Variants in TRIP6 observed in about 807,000 individuals in gnomAD.
TRIP6 encodes thyroid hormone receptor interactor 6.
In TRIP6, 33 loss-of-function variants were observed where a neutral mutation model predicts 51.9. The ratio of observed to expected loss-of-function variants is 0.64; its 90% CI spans 0.48 to 0.85. TRIP6 has a LOEUF of 0.85. TRIP6 is among the 40% of genes least tolerant of loss of function. TRIP6 has a pLI of 0.00. For missense variants in TRIP6, 661 were observed against 652.1 expected, an observed-to-expected ratio of 1.01 and a Z score of -0.15; for synonymous variants, 255 against 275.8, an observed-to-expected ratio of 0.92 and a Z score of 0.75.
intron 8 of TRIP6, 110 bp from the exon 9 acceptor site, chr7:100,873,062 G>T: frequency 6.9e-7 from 1 of 1,441,236 alleles, no homozygotes; most frequent in Non-Finnish European, 9.3e-7. Flanking sequence ...TATTGGCCAG[G>T]CTGGTCTTGA....
chr7:100,870,408 GC>G lies in TRIP6; in HGVS notation c.775del (p.Leu259Ter). On this transcript the variant is annotated frameshift_variant, in exon 5 of 9. Transcript: ENST00000200457. LOFTEE classifies it high-confidence loss of function. ...SQPPEDELDR[L>X]TKKLVHDMNH... ...AGCCTCCAGAGGATGAGCTGGATAG[GC>G]TGACGAAGAAGCTGGTTCACGACAT... 6.2e-7 allele frequency: 1 copy of G among 1,612,806 alleles called. No individual in the cohort carries two copies. Among genetic ancestry groups the G allele is most frequent in the Non-Finnish European group, 8.5e-7 (1 of 1,180,028 alleles).
rs1460450643 is a variant in TRIP6, at chr7:100,867,996, C to G, written c.237+8C>G. On this transcript the variant is annotated splice_region_variant and intron_variant, in intron 2 of 8. Coordinates refer to ENST00000200457, the MANE Select transcript of TRIP6 (RefSeq NM_003302.3). This position sits in a 1 kb window ranked among gnomAD's most constrained non-coding sequence, Gnocchi z 5.4. ...GTACTCCAGCACACGCAGGTGAGAC[C>G]CGGGATCGTGGGGTGGGACATGTGG... The G allele has an allele frequency of 2.0e-6, 3 of 1,515,038 alleles. No homozygotes were observed. Among genetic ancestry groups the G allele is most frequent in the Non-Finnish European group, 2.6e-6 (3 of 1,132,946 alleles). The allele number at this position is 1,515,038 out of a possible 1,614,324, so 93.8% of individuals were successfully genotyped here. A position where few individuals can be genotyped will look rare whatever the true frequency, so the allele number is the denominator to read the frequency against.
At chr7:100,868,327 C>A in intron 3 of TRIP6, 94 bp downstream of exon 3, 1 of 1,570,496 alleles carries the variant, frequency 6.4e-7, no homozygotes, top group Non-Finnish European at 8.6e-7. Flanking sequence ...AATGTGCACC[C>A]CAGCATGGAG....
In TRIP6 at chr7:100,868,934, G is replaced by A; in HGVS notation, c.735+68G>A. 21 of 1,430,594 alleles carry A rather than the reference G, an allele frequency of 1.5e-5. 1 individual carries two copies. The South Asian group carries it at 3.5e-4, about 24-fold the overall frequency. The allele number at this position is 1,430,594 out of a possible 1,614,324, so 88.6% of individuals were successfully genotyped here. A position where few individuals can be genotyped will look rare whatever the true frequency, so the allele number is the denominator to read the frequency against. ...GGACACCGACTGGGTGGGGTGGCTGGTGGTGTTTTAGGGGGCTTTTTTGTT... is the reference window on the plus strand; with the variant it reads ...GGACACCGACTGGGTGGGGTGGCTGATGGTGTTTTAGGGGGCTTTTTTGTT... On this transcript the variant is annotated intron_variant, in intron 4 of 8. Coordinates refer to ENST00000200457, the MANE Select transcript of TRIP6 (RefSeq NM_003302.3).
In TRIP6 at chr7:100,867,857, C is replaced by T; in HGVS notation, c.110-4C>T. ...CACCTTTGATTTCTCTTCCCTCAAC[C>T]CAGCACTCCAGCCCCACCCCAGGGT... On this transcript the variant is annotated splice_polypyrimidine_tract_variant and splice_region_variant and intron_variant, in intron 1 of 8. Coordinates refer to ENST00000200457, the MANE Select transcript of TRIP6 (RefSeq NM_003302.3). This position sits in a 1 kb window ranked among gnomAD's most constrained non-coding sequence, Gnocchi z 5.4. 1.3e-6 allele frequency: 2 copies of T among 1,542,710 alleles called. No individual in the cohort carries two copies. Among genetic ancestry groups the T allele is most frequent in the South Asian group, 1.3e-5 (1 of 77,474 alleles).
Position 100,867,684 on chromosome 7 carries a change from C to T in TRIP6, c.109+78C>T. ...TGTCCTACCGCTCCAGCCTCCCGCC[C>T]TGGCTGCTTCCTCCTGCCCCTTCCC... On this transcript the variant is annotated intron_variant, in intron 1 of 8. Transcript: ENST00000200457. The surrounding 1 kb of genome is among the most constrained non-coding windows in gnomAD (Gnocchi z 5.4). 1 of 1,565,246 alleles carries T rather than the reference C, an allele frequency of 6.4e-7. No homozygotes were observed. The highest frequency in any genetic ancestry group is 8.7e-7 in the Non-Finnish European group (1 of 1,151,782).
chr7:100,868,688 G>T lies in TRIP6; in HGVS notation c.557G>T (p.Arg186Leu), dbSNP rs755248014. The stretch of plus-strand genomic sequence containing the variant: ...GTGAGGGGCTGCGGCCCACCCAGGC[G>T]GGGAGCCTCTCAGGCCTCTGGGCCC... ...QPVRGCGPPR[R>L]GASQASGPLP... The change falls in exon 4 of 9, where the codon CGG (arginine) becomes CTG (leucine). Residue 186 changes from arginine to leucine, a missense_variant. Transcript: ENST00000200457. 6.2e-7 allele frequency: 1 copy of T among 1,601,446 alleles called. No homozygotes were observed. The highest frequency in any genetic ancestry group is 8.5e-7 in the Non-Finnish European group (1 of 1,173,794).
At chr7:100,872,951 A>T in intron 8 of TRIP6, 1 of 1,087,414 alleles carries the variant, frequency 9.2e-7, no homozygotes, top group Non-Finnish European at 1.3e-6. Flanking sequence ...CCCGGGTTCA[A>T]GTGATTCTCC....
intron 3 of TRIP6, 114 bp from the exon 4 acceptor site, chr7:100,868,381 G>C: frequency 1.3e-6 from 2 of 1,585,100 alleles, no homozygotes; most frequent in Non-Finnish European, 1.7e-6. Flanking sequence ...CTTGAGGACG[G>C]GACCTTGTCA....
chr7:100,870,856 C>T (rs1464063069), intron 6 of TRIP6, 113 bp downstream of exon 6: 66 of 1,387,224 alleles, frequency 4.8e-5, no homozygotes, highest in Non-Finnish European at 2.9e-5. Context: ...AAAAGCCAGG[C>T]GACTGAAAGT....
Position 100,867,871 on chromosome 7 carries a change from C to T in TRIP6, c.120C>T (p.Pro40=). The T allele has an allele frequency of 6.5e-7, 1 of 1,534,946 alleles. No homozygotes were observed. Among genetic ancestry groups the T allele is most frequent in the Non-Finnish European group, 8.7e-7 (1 of 1,149,746 alleles). ...PPPAHGAALQ[P]HPRVNFCPLP... is the part of the protein sequence containing the mutation. Reference sequence around the variant, plus strand: ...CTTCCCTCAACCCAGCACTCCAGCCCCACCCCAGGGTCAATTTTTGCCCCC... The same window carrying T: ...CTTCCCTCAACCCAGCACTCCAGCCTCACCCCAGGGTCAATTTTTGCCCCC... Residue 40 remains proline (P), a synonymous_variant, in exon 2 of 9, where the codon CCC becomes CCT. Coordinates refer to ENST00000200457, the MANE Select transcript of TRIP6 (RefSeq NM_003302.3). The surrounding 1 kb of genome is among the most constrained non-coding windows in gnomAD (Gnocchi z 5.4).
In TRIP6 at chr7:100,867,731, G is replaced by A; in HGVS notation, c.109+125G>A. ...TCCCCAAGCCGAGGCGGGGGGAACA[G>A]CCGCCTGCGCTCTCTTGGGACCCTA... On this transcript the variant is annotated intron_variant, in intron 1 of 8. Coordinates refer to ENST00000200457, the MANE Select transcript of TRIP6 (RefSeq NM_003302.3). The surrounding 1 kb of genome is among the most constrained non-coding windows in gnomAD (Gnocchi z 5.4). The A allele has an allele frequency of 6.6e-7, 1 of 1,520,634 alleles. No homozygotes were observed. The highest frequency in any genetic ancestry group is 8.8e-7 in the Non-Finnish European group (1 of 1,131,762). 94.2% of individuals were successfully genotyped at this position (1,520,634 alleles called of 1,614,324 possible). A position where few individuals can be genotyped will look rare whatever the true frequency, so the allele number is the denominator to read the frequency against.
Position 100,873,215 on chromosome 7 carries a change from G to A in TRIP6, c.1343G>A (p.Cys448Tyr). 6.2e-7 allele frequency: 1 copy of A among 1,613,666 alleles called. No individual in the cohort carries two copies. The highest frequency in any genetic ancestry group is 8.5e-7 in the Non-Finnish European group (1 of 1,179,794). The change falls in exon 9 of 9, where the codon TGC becomes TAC. Residue 448 changes from cysteine (C) to tyrosine (Y), a missense_variant. Physicochemically the swap from Cys to Tyr is radical, Grantham distance 194 (BLOSUM62 -2). Coordinates refer to ENST00000200457, the MANE Select transcript of TRIP6 (RefSeq NM_003302.3). ...TCCTCTGAGGGCGAGTGTCAGGGCT[G>A]CTACCCGCTGGATGGGCACATCTTG... ...LLSSEGECQGCYPLDGHILCK... is the reference protein window; with the variant it reads ...LLSSEGECQGYYPLDGHILCK...
chr7:100,870,921 T>G, intron 6 of TRIP6, 178 bp downstream of exon 6: 1 of 848,892 alleles, frequency 1.2e-6, no homozygotes, highest in East Asian at 2.7e-5. Context: ...TTAACACTGG[T>G]GGCTGAAGGG....
Position 100,868,155 on chromosome 7 carries a change from C to G in TRIP6, c.285C>G (p.Ala95=), listed in dbSNP as rs145233601. 1.2e-6 allele frequency: 2 copies of G among 1,611,530 alleles called. No individual in the cohort carries two copies. The highest frequency in any genetic ancestry group is 2.2e-5 in the East Asian group (1 of 44,846). Residue 95 remains alanine (A), a synonymous_variant, in exon 3 of 9, where the codon GCC becomes GCG. Coordinates refer to ENST00000200457, the MANE Select transcript of TRIP6 (RefSeq NM_003302.3). ...GCCTTCGCCCTGGAAGCCTGGACGC[C>G]GAGATAGACTTGCTGAGCAGCACGC... ...RGGLRPGSLD[A]EIDLLSSTLA...
In TRIP6 at chr7:100,867,388, GAA is replaced by G; in HGVS notation, c.-106_-105del. On this transcript the variant is annotated 5_prime_UTR_variant, in exon 1 of 9. Transcript: ENST00000200457. This position sits in a 1 kb window ranked among gnomAD's most constrained non-coding sequence, Gnocchi z 5.4. ...GGAGGAAGAGGAAAAAAAAAAGCCA[GAA>G]AAAGTTTTCTTTTCTGGAGTCCCAA... The G allele has an allele frequency of 3.6e-6, 3 of 822,368 alleles. No homozygotes were observed. The highest frequency in any genetic ancestry group is 3.3e-5 in the East Asian group (1 of 30,042). 50.9% of individuals were successfully genotyped at this position (822,368 alleles called of 1,614,324 possible).
In TRIP6 at chr7:100,871,576, C is replaced by T; in HGVS notation, c.1033C>T (p.Pro345Ser). Residue 345 changes from proline (P) to serine (S), a missense_variant, in exon 7 of 9, where the codon CCC becomes TCC. Transcript: ENST00000200457. ...TLEKCATCSQ[P>S]ILDRILRAMG... is the part of the protein sequence containing the mutation. ...GGAGAAATGTGCCACGTGCTCCCAG[C>T]CCATCCTGGACCGGATCCTGCGGGC... 1.2e-6 allele frequency: 2 copies of T among 1,614,074 alleles called. No individual in the cohort carries two copies. Among genetic ancestry groups the T allele is most frequent in the Non-Finnish European group, 1.7e-6 (2 of 1,180,014 alleles).
intron 8 of TRIP6, 60 bp from the exon 9 acceptor site, chr7:100,873,112 G>A: frequency 1.9e-6 from 3 of 1,579,150 alleles, no homozygotes; most frequent in Non-Finnish European, 2.6e-6. Context: ...GCTTCTCAAA[G>A]TGCTGGGATT....
chr7:100,872,316 A>G (rs1156582861), intron 7 of TRIP6, among the ~76,000 whole-genome samples: 1 of 151,788 alleles, frequency 6.6e-6, no homozygotes, highest in East Asian at 1.9e-4. Context: ...AGCAGGCGTA[A>G]GCCACTGCAC....
Sources: allele counts gnomAD v4.1 joint callset (sites outside exome capture counted in the v4.1 genomes callset), GRCh38; gene constraint gnomAD v4.1.1; non-coding constraint Gnocchi (gnomAD v3.1); transcripts MANE v1.5; gene names NCBI Gene and HGNC (gene_info 2026-07-23, HGNC 2026-07-21).